Variants in AFAP1 observed in about 807,000 individuals in gnomAD.
AFAP1 encodes the protein actin filament-associated protein 1.
A neutral mutation model predicts 93.9 loss-of-function variants in AFAP1; 75 were observed. The observed-to-expected ratio is 0.80, with a 90% confidence interval of 0.66 to 0.97. The LOEUF is 0.97. Among genes scored for constraint, AFAP1 ranks in the 50% least tolerant of loss-of-function variants. The pLI is 0.00. For synonymous variants in AFAP1, 517 were observed against 430.7 expected, an observed-to-expected ratio of 1.20 and a Z score of -2.48; for missense variants, 1,201 against 1,050.8, an observed-to-expected ratio of 1.14 and a Z score of -1.98.
At chr4:7,831,506 G>A (rs778943165) in intron 6 of AFAP1, among the ~76,000 whole-genome samples, 43 of 151,988 alleles carry the variant, frequency 2.8e-4, no homozygotes, top group Non-Finnish European at 4.1e-4. Context: ...GGTGAAACAC[G>A]ATACAAGATT....
At chr4:7,872,168 T>G in intron 1 of AFAP1, 88 bp from the exon 2 acceptor site, 1 of 1,513,596 alleles carries the variant, frequency 6.6e-7, no homozygotes, top group Non-Finnish European at 9.0e-7. Context: ...AAGCATTTCA[T>G]GTTTAGCTTG....
intron 6 of AFAP1, among the ~76,000 whole-genome samples, chr4:7,820,039 C>T (rs1720824808): frequency 6.6e-6 from 1 of 152,138 alleles, no homozygotes. Flanking sequence ...TATACAGGGA[C>T]AACAACAACG....
intron 4 of AFAP1, among the ~76,000 whole-genome samples, chr4:7,844,716 G>A (rs1271210660): frequency 6.6e-6 from 1 of 152,252 alleles, no homozygotes. Flanking sequence ...GCCCTTGGAA[G>A]GGCCAATGGC....
intron 6 of AFAP1, among the ~76,000 whole-genome samples, chr4:7,825,563 T>A (rs1182652154): frequency 6.6e-6 from 1 of 151,900 alleles, no homozygotes; most frequent in Non-Finnish European, 1.5e-5. Context: ...GTACAAAATA[T>A]CAAAACGTAG....
intron 6 of AFAP1, among the ~76,000 whole-genome samples, chr4:7,828,665 C>T (rs945373211): frequency 6.6e-6 from 1 of 152,204 alleles, no homozygotes; most frequent in South Asian, 2.1e-4. Flanking sequence ...TGCTTTCTGC[C>T]ATTGTGAACA....
At chr4:7,865,139 C>T (rs1032213215) in intron 3 of AFAP1, among the ~76,000 whole-genome samples, 1 of 152,248 alleles carries the variant, frequency 6.6e-6, no homozygotes, top group East Asian at 1.9e-4. Flanking sequence ...ATAGATTACA[C>T]AGAAAAGACA....
At chr4:7,881,893 A>T (rs1159860850) in intron 1 of AFAP1, among the ~76,000 whole-genome samples, 2 of 152,220 alleles carry the variant, frequency 1.3e-5, no homozygotes, top group Non-Finnish European at 2.9e-5. Flanking sequence ...TAGCCCCCCC[A>T]AATTATCTCA....
Position 7,879,699 on chromosome 4 carries a change from C to CTTTTTTTTTTT in AFAP1, c.-2-7630_-2-7620dup, listed in dbSNP as rs552211338. 2.6e-3 allele frequency among the ~76,000 whole-genome samples: 316 copies of CTTTTTTTTTTT among 121,692 alleles called. 7 individuals are homozygous for CTTTTTTTTTTT. The highest frequency in any genetic ancestry group is 8.3e-3 in the African/African-American group (271 of 32,594). 79.8% of individuals were successfully genotyped at this position (121,692 alleles called of 152,430 possible). On this transcript the variant is annotated intron_variant, in intron 1 of 17. Transcript: ENST00000420658. The stretch of plus-strand genomic sequence containing the variant: ...CTAATTAATTATCTCTGCTTGCTTG[C>CTTTTTTTTTTT]TTTTTTTTTTTTTTTTTTGTGAGAC...
intron 1 of AFAP1, among the ~76,000 whole-genome samples, chr4:7,931,107 G>A (rs1721039601): frequency 6.6e-6 from 1 of 152,162 alleles, no homozygotes; most frequent in Admixed American, 6.5e-5. Flanking sequence ...GCAACAGGAG[G>A]AGCGGGGAGG....
chr4:7,792,688 G>A (rs1034790972), intron 11 of AFAP1, among the ~76,000 whole-genome samples: 3 of 152,154 alleles, frequency 2.0e-5, no homozygotes, highest in African/African-American at 7.2e-5. Context: ...GGACACACCT[G>A]CATGCTCTCT....
In AFAP1 at chr4:7,822,588, T is replaced by TTC. The variant is rs1721066300; in HGVS notation, c.727-3418_727-3417insGA. On this transcript the variant is annotated intron_variant, in intron 6 of 17. Transcript: ENST00000420658. ...TGTCTTCTTTCTTTTTCTTTTTTCT[T>TTC]TTTTTTTTTTTTTTGAGACAGAGTC... Among the ~76,000 whole-genome samples, 7 of 68,404 alleles carry TTC rather than the reference T, an allele frequency of 1.0e-4. No homozygotes were observed. In the Admixed American group the frequency reaches 1.2e-3, roughly 12 times the overall value. The allele number at this position is 68,404 out of a possible 152,430, so 44.9% of individuals were successfully genotyped here.
At chr4:7,772,652 G>A (rs967772146) in intron 16 of AFAP1, 168 bp downstream of exon 16, 11 of 619,848 alleles carry the variant, frequency 1.8e-5, no homozygotes, top group African/African-American at 1.1e-4. Flanking sequence ...ACACAGGCCC[G>A]GCCGATGAAA....
intron 16 of AFAP1, 113 bp from the exon 17 acceptor site, chr4:7,769,121 T>A (rs1197743244): frequency 7.4e-7 from 1 of 1,359,752 alleles, no homozygotes; most frequent in Non-Finnish European, 9.9e-7. Context: ...TGGGCAAAAA[T>A]AACAGCAGTA....
intron 4 of AFAP1, 132 bp from the exon 5 acceptor site, chr4:7,843,482 G>A (rs73086501): frequency 0.012 from 10,047 of 861,916 alleles, 122 homozygotes; most frequent in South Asian, 0.048. Flanking sequence ...CTCCTTAAGG[G>A]AAAAAACAAA....
At chr4:7,820,106 G>C (rs1311744648) in intron 6 of AFAP1, among the ~76,000 whole-genome samples, 1 of 152,232 alleles carries the variant, frequency 6.6e-6, no homozygotes, top group Non-Finnish European at 1.5e-5. Context: ...GGTGGCAGCA[G>C]AGGCTGGAGT....
intron 1 of AFAP1, among the ~76,000 whole-genome samples, chr4:7,873,242 CAAAAAAAA>C (rs1195209480): frequency 1.6e-5 from 1 of 64,126 alleles, no homozygotes; most frequent in Non-Finnish European, 2.7e-5. Flanking sequence ...GACTCTGTCT[CAAAAAAAA>C]AAAAAAAAAA....
At chr4:7,855,374 CCT>C in intron 4 of AFAP1, 90 bp downstream of exon 4, 1 of 972,986 alleles carries the variant, frequency 1.0e-6, no homozygotes, top group South Asian at 1.6e-5. Flanking sequence ...TTTATAATAC[CCT>C]GTTGCCCTTC....
intron 1 of AFAP1, among the ~76,000 whole-genome samples, chr4:7,886,241 G>C (rs1718133654): frequency 1.3e-5 from 2 of 152,184 alleles, no homozygotes; most frequent in Non-Finnish European, 2.9e-5. Context: ...GATAATAACA[G>C]TTATGTGCCT....
At chr4:7,868,006 G>A (rs770403828) in intron 3 of AFAP1, among the ~76,000 whole-genome samples, 3 of 151,470 alleles carry the variant, frequency 2.0e-5, no homozygotes, top group African/African-American at 4.9e-5. Context: ...TGAATTCCTC[G>A]AGTAAACAAG....
Sources: allele counts gnomAD v4.1 joint callset (sites outside exome capture counted in the v4.1 genomes callset), GRCh38; gene constraint gnomAD v4.1.1; transcripts MANE v1.5; gene names NCBI Gene and HGNC (gene_info 2026-07-23, HGNC 2026-07-21).